Variants in TRPC4 observed in about 807,000 individuals in gnomAD.
TRPC4 encodes short transient receptor potential channel 4.
A neutral mutation model predicts 99.4 loss-of-function variants in TRPC4; 49 were observed. The ratio of observed to expected loss-of-function variants is 0.49; its 90% CI spans 0.39 to 0.63. The LOEUF is 0.63. TRPC4 is among the 20% of genes least tolerant of loss of function. The pLI is 0.00. For missense variants in TRPC4, 898 were observed against 1,152.9 expected, an observed-to-expected ratio of 0.78 and a Z score of 3.20; for synonymous variants, 454 against 425.9, an observed-to-expected ratio of 1.07 and a Z score of -0.81.
chr13:37,673,938 G>A (rs1324128132), intron 5 of TRPC4, among the ~76,000 whole-genome samples: 1 of 152,108 alleles, frequency 6.6e-6, no homozygotes, highest in Non-Finnish European at 1.5e-5. Context: ...AAATAGAAAG[G>A]ATTAGAAACT....
Position 37,637,018 on chromosome 13 carries a change from G to C in TRPC4, c.2819C>G (p.Thr940Arg). The C allele has an allele frequency of 6.2e-7, 1 of 1,613,676 alleles. No individual in the cohort carries two copies. Among genetic ancestry groups the C allele is most frequent in the Non-Finnish European group, 8.5e-7 (1 of 1,179,760 alleles). Residue 940 changes from threonine to arginine, a missense_variant, in exon 11 of 11, where the codon ACG (threonine) becomes AGG (arginine). Around this residue, in one of 3 missense-constraint regions of TRPC4, gnomAD observed 346 missense variants for 351.4 expected, o/e 0.98. Transcript: ENST00000379705. ...FKSEKVVVED[T>R]VPIIPKEKHA... ...TTTCTCCTTTGGTATTATAGGAACC[G>C]TGTCCTCCACCACCACCTTCTCTGA... is the stretch of plus-strand genomic sequence containing the variant.
intron 2 of TRPC4, among the ~76,000 whole-genome samples, chr13:37,777,931 T>A (rs922138654): frequency 3.3e-5 from 5 of 152,146 alleles, no homozygotes; most frequent in Middle Eastern, 3.4e-3. Context: ...CACTCTGTGC[T>A]CTTTCCCAGC....
At chr13:37,678,774 C>A (rs1156571574) in intron 4 of TRPC4, among the ~76,000 whole-genome samples, 1 of 151,972 alleles carries the variant, frequency 6.6e-6, no homozygotes, top group Non-Finnish European at 1.5e-5. Flanking sequence ...AACAATCAGA[C>A]AAAACTCTTT....
intron 3 of TRPC4, among the ~76,000 whole-genome samples, chr13:37,697,632 A>G (rs904476827): frequency 1.3e-5 from 2 of 152,156 alleles, no homozygotes; most frequent in African/African-American, 4.8e-5. Context: ...TTTGTTGAGG[A>G]CATGCTTGAG....
rs17056713 is a variant in TRPC4, at chr13:37,840,706, C to A, written c.-28+28889G>T. On this transcript the variant is annotated intron_variant, in intron 1 of 10. Transcript: ENST00000379705. ...CTAGTCTCATTTTAACAGCTACTTTCTAACATTAGTGAACTATAAATTTAT... is the reference window on the plus strand; with the variant it reads ...CTAGTCTCATTTTAACAGCTACTTTATAACATTAGTGAACTATAAATTTAT... Among the ~76,000 whole-genome samples, 544 of 152,092 alleles carry A rather than the reference C, an allele frequency of 3.6e-3. 4 individuals are homozygous for A. The highest frequency in any genetic ancestry group is 0.013 in the African/African-American group (528 of 41,542).
intron 3 of TRPC4, among the ~76,000 whole-genome samples, chr13:37,729,818 G>A (rs1025245035): frequency 1.6e-4 from 24 of 152,154 alleles, no homozygotes; most frequent in Middle Eastern, 6.8e-3. Flanking sequence ...GGATGCCAGA[G>A]ACTGAATATC....
intron 1 of TRPC4, among the ~76,000 whole-genome samples, chr13:37,786,642 G>A (rs1253443939): frequency 6.6e-6 from 1 of 151,960 alleles, no homozygotes; most frequent in Non-Finnish European, 1.5e-5. Context: ...CAAATATGTT[G>A]ACCTATAATG....
At chr13:37,753,745 T>C (rs539608435) in intron 2 of TRPC4, among the ~76,000 whole-genome samples, 33 of 152,236 alleles carry the variant, frequency 2.2e-4, no homozygotes, top group South Asian at 6.2e-4. Context: ...TTCACTTGTC[T>C]GGGATGGAAA....
chr13:37,694,659 T>C (rs972705931), intron 3 of TRPC4, among the ~76,000 whole-genome samples: 1 of 152,218 alleles, frequency 6.6e-6, no homozygotes, highest in Admixed American at 6.5e-5. Flanking sequence ...TACTTTTTCT[T>C]TCTTTAGTTA....
At chr13:37,683,651 A>G (rs1953340118) in intron 4 of TRPC4, among the ~76,000 whole-genome samples, 1 of 152,106 alleles carries the variant, frequency 6.6e-6, no homozygotes, top group Admixed American at 6.5e-5. Flanking sequence ...AGGACAACCA[A>G]CCAAGAAAGA....
intron 5 of TRPC4, among the ~76,000 whole-genome samples, chr13:37,669,512 A>T (rs903761050): frequency 6.6e-6 from 1 of 152,224 alleles, no homozygotes; most frequent in East Asian, 1.9e-4. Flanking sequence ...AAAACACCAC[A>T]AAACTTTGCA....
intron 1 of TRPC4, chr13:37,855,018 C>CTTT (rs1230297475): frequency 6.6e-6 from 1 of 151,654 alleles, no homozygotes; most frequent in African/African-American, 2.4e-5. Flanking sequence ...ATAGAATAAG[C>CTTT]TTTTCAATCA....
chr13:37,856,755 A>G (rs1325986136), intron 1 of TRPC4, among the ~76,000 whole-genome samples: 1 of 151,726 alleles, frequency 6.6e-6, no homozygotes, highest in Non-Finnish European at 1.5e-5. Flanking sequence ...GTGATACATC[A>G]TATAAACTAA....
At chr13:37,836,608 A>G (rs769660271) in intron 1 of TRPC4, among the ~76,000 whole-genome samples, 2 of 152,164 alleles carry the variant, frequency 1.3e-5, no homozygotes, top group African/African-American at 2.4e-5. Flanking sequence ...GAGAGAGATG[A>G]TTTAGGGTAT....
chr13:37,824,870 T>G (rs1313318649), intron 1 of TRPC4, among the ~76,000 whole-genome samples: 5 of 152,170 alleles, frequency 3.3e-5, no homozygotes, highest in African/African-American at 1.2e-4. Flanking sequence ...CTTGTACCTC[T>G]GGCAGAATTC....
intron 1 of TRPC4, among the ~76,000 whole-genome samples, chr13:37,833,585 G>A (rs942928071): frequency 6.6e-6 from 1 of 152,132 alleles, no homozygotes; most frequent in Non-Finnish European, 1.5e-5. Flanking sequence ...ACTTAGCCTT[G>A]CCTTTGGGTC....
At chr13:37,762,849 C>T (rs1030988666) in intron 2 of TRPC4, among the ~76,000 whole-genome samples, 1 of 150,186 alleles carries the variant, frequency 6.7e-6, no homozygotes, top group Non-Finnish European at 1.5e-5. Flanking sequence ...CACATGTACC[C>T]TAAAACTTAA....
intron 3 of TRPC4, among the ~76,000 whole-genome samples, chr13:37,695,426 C>T (rs972810833): frequency 2.6e-5 from 4 of 152,166 alleles, no homozygotes; most frequent in African/African-American, 9.7e-5. Flanking sequence ...GAGCCTACAG[C>T]CCCCCTCCTA....
At chr13:37,866,478 T>C (rs904637488) in intron 1 of TRPC4, among the ~76,000 whole-genome samples, 1 of 132,292 alleles carries the variant, frequency 7.6e-6, no homozygotes, top group Admixed American at 7.6e-5. Flanking sequence ...AAATAGTTCA[T>C]GAAACCACAA....
Sources: gnomAD v4.1 joint callset for allele counts (sites outside exome capture counted in the v4.1 genomes callset) on GRCh38, gnomAD v4.1.1 for gene constraint, gnomAD v4.1.1 regional missense constraint, MANE v1.5 for transcripts, NCBI Gene and HGNC (gene_info 2026-07-23, HGNC 2026-07-21) for gene names.